Variants in HMCN1 observed in about 807,000 individuals in gnomAD.
HMCN1 encodes hemicentin 1.
In HMCN1, 321 loss-of-function variants were observed where a neutral mutation model predicts 625.9. The observed-to-expected ratio is 0.51, with a 90% CI of 0.47 to 0.56. The LOEUF is 0.56. HMCN1 is among the 20% of genes least tolerant of loss of function. HMCN1 has a pLI of 0.00. For missense variants in HMCN1, 6,588 were observed against 6,887.3 expected, an observed-to-expected ratio of 0.96 and a Z score of 1.54; for synonymous variants, 2,425 against 2,417.6, an observed-to-expected ratio of 1.00 and a Z score of -0.09.
intron 6 of HMCN1, 63 bp downstream of exon 6, chr1:185,911,843 A>G: frequency 1.6e-6 from 2 of 1,228,224 alleles, no homozygotes; most frequent in Admixed American, 1.7e-5. Context: ...TTCATGAAGT[A>G]TACACAATGG....
chr1:186,053,161 C>T, intron 43 of HMCN1, 87 bp downstream of exon 43: 1 of 1,319,036 alleles, frequency 7.6e-7, no homozygotes, highest in East Asian at 2.5e-5. Flanking sequence ...AGATTATAAA[C>T]AAATTTTCCT....
intron 11 of HMCN1, among the ~76,000 whole-genome samples, chr1:185,938,626 C>T (rs181028851): frequency 3.4e-3 from 513 of 152,110 alleles, no homozygotes; most frequent in African/African-American, 0.012. Context: ...GCCAAGACCA[C>T]GAACACTTAA....
intron 101 of HMCN1, 73 bp from the exon 102 acceptor site, chr1:186,171,933 A>C: frequency 6.8e-7 from 1 of 1,470,890 alleles, no homozygotes; most frequent in Non-Finnish European, 9.4e-7. Context: ...CCTAAAATCC[A>C]AAAGTATGAT....
At chr1:186,108,402 A>G (rs1225200164) in intron 70 of HMCN1, 59 bp from the exon 71 acceptor site, 5 of 1,613,304 alleles carry the variant, frequency 3.1e-6, no homozygotes, top group Non-Finnish European at 4.2e-6. Context: ...CAGAACCAAC[A>G]TTTTTTGGAT....
rs1171287847 is a variant in HMCN1 at position 185,995,070 on chromosome 1, T to G, written c.3761T>G (p.Ile1254Arg). 2 of 1,613,630 alleles carry G rather than the reference T, an allele frequency of 1.2e-6. No homozygotes were observed. The highest frequency in any genetic ancestry group is 1.1e-5 in the South Asian group (1 of 91,078). ...ATAGCAGGCACTGATGAAACAGAGA[T>G]AACGCTACATGTCCAAGGTGATTCT... is the stretch of plus-strand genomic sequence containing the variant. The part of the protein sequence containing the change: ...TNIAGTDETE[I>R]TLHVQEPPTV... The change falls in exon 24 of 107, where the codon ATA becomes AGA. Residue 1254 changes from isoleucine to arginine, a missense_variant. Ile to Arg is a moderately conservative substitution (Grantham distance 97). This residue lies in a region of HMCN1 where 4,628 missense variants were observed against 4,853.1 expected (regional missense o/e 0.95). Coordinates refer to ENST00000271588, the MANE Select transcript of HMCN1 (RefSeq NM_031935.3).
chr1:186,080,018 C>T (rs1436899460), intron 55 of HMCN1, among the ~76,000 whole-genome samples: 1 of 152,114 alleles, frequency 6.6e-6, no homozygotes, highest in African/African-American at 2.4e-5. Context: ...TCCTAGCCCT[C>T]CTAATGCTTC....
intron 17 of HMCN1, among the ~76,000 whole-genome samples, chr1:185,981,374 T>G (rs1242072444): frequency 6.6e-6 from 1 of 152,022 alleles, no homozygotes; most frequent in Non-Finnish European, 1.5e-5. Context: ...CTTTTCTGAT[T>G]CCTTTTTTAC....
Position 186,088,755 on chromosome 1 carries a change from G to A in HMCN1, c.9727G>A (p.Val3243Ile), listed in dbSNP as rs1415882355. Residue 3243 changes from valine (V) to isoleucine (I), a missense_variant and splice_region_variant, in exon 63 of 107, where the codon GTT (valine) becomes ATT (isoleucine). Val to Ile is a conservative substitution (Grantham distance 29, BLOSUM62 3). Around this residue, in one of 3 missense-constraint regions of HMCN1, gnomAD observed 4,628 missense variants for 4,853.1 expected, o/e 0.95. Transcript: ENST00000271588. ...GAAATATTACTTTCTTTCAATTCAAGGTATGTATTGTCCACTATGATCTAT... is the reference window on the plus strand; with the variant it reads ...GAAATATTACTTTCTTTCAATTCAAAGTATGTATTGTCCACTATGATCTAT... Reference protein sequence around the residue: ...AQKYYFLSIQVPPSVAGAEIP... With the variant: ...AQKYYFLSIQIPPSVAGAEIP... 1 of 1,604,818 alleles carries A rather than the reference G, an allele frequency of 6.2e-7. No individual in the cohort carries two copies. Among genetic ancestry groups the A allele is most frequent in the Admixed American group, 1.7e-5 (1 of 59,402 alleles).
In HMCN1 at chr1:185,980,990, G is replaced by A; in HGVS notation, c.2579G>A (p.Ser860Asn). 6.2e-7 allele frequency: 1 copy of A among 1,604,150 alleles called. No individual in the cohort carries two copies. The highest frequency in any genetic ancestry group is 8.5e-7 in the Non-Finnish European group (1 of 1,170,986). The change falls in exon 17 of 107, where the codon AGT (serine) becomes AAT (asparagine). Residue 860 changes from serine to asparagine, a missense_variant. By Grantham distance (46) the Ser-to-Asn change is conservative. Transcript: ENST00000271588. ...TTCTTCCTTTTAGACTTATGGGCAA[G>A]TGATAAAGGAACCTATATTTGTGAA... is the stretch of plus-strand genomic sequence containing the variant. Reference protein sequence around the residue: ...GALFILNLWASDKGTYICEAE... With the variant: ...GALFILNLWANDKGTYICEAE...
chr1:186,076,123 G>A (rs1224589833), intron 53 of HMCN1, among the ~76,000 whole-genome samples: 1 of 152,018 alleles, frequency 6.6e-6, no homozygotes, highest in Non-Finnish European at 1.5e-5. Context: ...GTATCATTTA[G>A]CAATGCTCCT....
chr1:185,900,925 G>C (rs547287816), intron 4 of HMCN1, among the ~76,000 whole-genome samples: 1 of 151,858 alleles, frequency 6.6e-6, no homozygotes. Flanking sequence ...ATCAAAATGA[G>C]TGCAAACCAA....
chr1:186,082,988 G>A (rs775521900), intron 57 of HMCN1, 27 bp downstream of exon 57: 1 of 1,363,512 alleles, frequency 7.3e-7, no homozygotes, highest in Non-Finnish European at 1.0e-6. Flanking sequence ...AAAACCATCT[G>A]TTAGGGTATG....
intron 10 of HMCN1, among the ~76,000 whole-genome samples, chr1:185,932,458 C>T (rs979832957): frequency 4.6e-5 from 7 of 152,124 alleles, no homozygotes; most frequent in African/African-American, 1.7e-4. Context: ...TAAACTAAAA[C>T]AGACACATGA....
At chr1:185,848,779 T>C (rs993249707) in intron 2 of HMCN1, among the ~76,000 whole-genome samples, 1 of 152,150 alleles carries the variant, frequency 6.6e-6, no homozygotes, top group Non-Finnish European at 1.5e-5. Flanking sequence ...ACCCTGCACT[T>C]TTACCCCTTA....
chr1:185,785,496 G>A (rs1025399987), intron 1 of HMCN1, among the ~76,000 whole-genome samples: 1 of 152,174 alleles, frequency 6.6e-6, no homozygotes, highest in African/African-American at 2.4e-5. Flanking sequence ...GGAAGAGTCT[G>A]TGCTCAGTTT....
chr1:185,989,772 A>ATTTTTTTTTTTTTTTTTTTTTTTTTTTTT, intron 21 of HMCN1, 125 bp downstream of exon 21: 1 of 535,480 alleles, frequency 1.9e-6, no homozygotes, highest in Non-Finnish European at 3.1e-6. Context: ...CCAGATTTCT[A>ATTTTTTTTTTTTTTTTTTTTTTTTTTTTT]TTTTTTTTTT....
intron 18 of HMCN1, among the ~76,000 whole-genome samples, chr1:185,982,826 A>G (rs1651743180): frequency 1.3e-5 from 2 of 152,284 alleles, no homozygotes; most frequent in East Asian, 3.9e-4. Flanking sequence ...ATATGTTTTT[A>G]TAAGTATATC....
chr1:185,993,542 G>T (rs1652581672), intron 23 of HMCN1: 1 of 452,666 alleles, frequency 2.2e-6, no homozygotes, highest in Non-Finnish European at 4.0e-6. Flanking sequence ...TAAATTTTTG[G>T]ATCTCAATTT....
In HMCN1 at chr1:186,174,634, C is replaced by T. The variant is rs2102644711; in HGVS notation, c.15935C>T (p.Pro5312Leu). The stretch of plus-strand genomic sequence containing the variant: ...TATCGGTCTCAAGGAGTTGGAAGAC[C>T]CTGCATGGGTAAGTTAATAGGAACT... Reference protein sequence around the residue: ...RGYRSQGVGRPCMDINECEQV... With the variant: ...RGYRSQGVGRLCMDINECEQV... Residue 5312 changes from proline (P) to leucine (L), a missense_variant, in exon 103 of 107, where the codon CCC (proline) becomes CTC (leucine). By Grantham distance (98) the Pro-to-Leu change is moderately conservative. Coordinates refer to ENST00000271588, the MANE Select transcript of HMCN1 (RefSeq NM_031935.3). 1.2e-6 allele frequency: 2 copies of T among 1,613,898 alleles called. No individual in the cohort carries two copies. The highest frequency in any genetic ancestry group is 2.2e-5 in the East Asian group (1 of 44,848).
Sources: allele counts gnomAD v4.1 joint callset (sites outside exome capture counted in the v4.1 genomes callset), GRCh38; gene constraint gnomAD v4.1.1; regional missense constraint gnomAD v4.1.1; transcripts MANE v1.5; gene names NCBI Gene and HGNC (gene_info 2026-07-23, HGNC 2026-07-21).